Variants in SPOCK3 observed in about 807,000 individuals in gnomAD.
The protein encoded by SPOCK3 is testican-3.
Under a neutral mutation model 56.6 loss-of-function variants are expected in SPOCK3, and 30 were observed. The observed-to-expected ratio is 0.53, with a 90% CI of 0.40 to 0.72. SPOCK3 has a LOEUF of 0.72. Among genes scored for constraint, SPOCK3 ranks in the 30% least tolerant of loss-of-function variants. The pLI is 0.00. For missense variants in SPOCK3, 527 were observed against 530.0 expected (o/e 0.99, Z 0.06); for synonymous variants, 196 against 183.3 (o/e 1.07, Z -0.56).
At chr4:167,067,490 C>T (rs1225762994) in intron 2 of SPOCK3, among the ~76,000 whole-genome samples, 1 of 151,436 alleles carries the variant, frequency 6.6e-6, no homozygotes, top group Non-Finnish European at 1.5e-5. Context: ...TACTCTATGC[C>T]CATATTCTAA....
chr4:167,157,335 AAGC>A (rs1764899367), intron 2 of SPOCK3, among the ~76,000 whole-genome samples: 1 of 152,116 alleles, frequency 6.6e-6, no homozygotes, highest in African/African-American at 2.4e-5. Flanking sequence ...TTAAAAGGTG[AAGC>A]ATATAATAAT....
At chr4:167,033,657 A>G (rs1329641770) in intron 3 of SPOCK3, among the ~76,000 whole-genome samples, 1 of 151,956 alleles carries the variant, frequency 6.6e-6, no homozygotes, top group Non-Finnish European at 1.5e-5. Context: ...ACACAACACT[A>G]TAGTATTCCC....
At chr4:166,962,708 A>T (rs1055766741) in intron 4 of SPOCK3, among the ~76,000 whole-genome samples, 4 of 152,032 alleles carry the variant, frequency 2.6e-5, no homozygotes, top group Admixed American at 2.6e-4. Flanking sequence ...ACTTCCATAG[A>T]CCCTACAAGG....
At chr4:166,930,697 T>TGATC (rs1309202357) in intron 4 of SPOCK3, among the ~76,000 whole-genome samples, 6 of 152,220 alleles carry the variant, frequency 3.9e-5, no homozygotes, top group Non-Finnish European at 2.9e-5. Flanking sequence ...TCCTGTCAAG[T>TGATC]GATCATAAGG....
Position 167,188,490 on chromosome 4 carries a change from G to T in SPOCK3, c.189+45495C>A, listed in dbSNP as rs1297156909. ...TGTTACGATATAACAGAAAAAAGTG[G>T]ACAATAGATGAAAGATGGGGAACTT... On this transcript the variant is annotated intron_variant, in intron 2 of 10. Coordinates refer to ENST00000357545, the MANE Select transcript of SPOCK3 (RefSeq NM_001040159.2). Among the ~76,000 whole-genome samples, 3 of 145,602 alleles carry T rather than the reference G, an allele frequency of 2.1e-5. 1 individual carries two copies. The highest frequency in any genetic ancestry group is 7.9e-5 in the African/African-American group (3 of 37,956).
At chr4:166,754,067 T>C (rs1319070115) in intron 8 of SPOCK3, 1 of 950,846 alleles carries the variant, frequency 1.1e-6, no homozygotes, top group Non-Finnish European at 1.3e-6. Flanking sequence ...TAAAAATAAC[T>C]TTATGGTGAA....
intron 2 of SPOCK3, among the ~76,000 whole-genome samples, chr4:167,067,145 G>C (rs1320394649): frequency 6.6e-6 from 1 of 151,780 alleles, no homozygotes; most frequent in East Asian, 1.9e-4. Context: ...CATAAAAAGA[G>C]TAATACTCAG....
intron 2 of SPOCK3, among the ~76,000 whole-genome samples, chr4:167,143,634 T>A (rs1409362521): frequency 6.6e-6 from 1 of 151,954 alleles, no homozygotes; most frequent in Non-Finnish European, 1.5e-5. Flanking sequence ...TTACATTTTT[T>A]ATCCCTGAAA....
intron 2 of SPOCK3, among the ~76,000 whole-genome samples, chr4:167,229,944 A>G (rs1561349185): frequency 6.6e-6 from 1 of 152,050 alleles, no homozygotes; most frequent in Non-Finnish European, 1.5e-5. Flanking sequence ...AGCCCCAGGT[A>G]TTTTTATTGA....
chr4:167,164,017 C>T (rs973451281), intron 2 of SPOCK3, among the ~76,000 whole-genome samples: 4 of 151,948 alleles, frequency 2.6e-5, no homozygotes, highest in African/African-American at 9.7e-5. Flanking sequence ...ATTTGAGGAC[C>T]TGGAATAAAA....
chr4:166,794,053 T>C lies in SPOCK3; in HGVS notation c.590-1764A>G, dbSNP rs191214145. Among the ~76,000 whole-genome samples the C allele has an allele frequency of 8.0e-4, 121 of 152,046 alleles. 1 individual carries two copies. Among genetic ancestry groups the C allele is most frequent in the African/African-American group, 2.9e-3 (121 of 41,442 alleles). ...GCTCTGTGCCCAGTGCAGAGCAAGA[T>C]GGCAGTAAGATTGAGATTTCTTGGC... On this transcript the variant is annotated intron_variant, in intron 6 of 10. Coordinates refer to ENST00000357545, the MANE Select transcript of SPOCK3 (RefSeq NM_001040159.2).
At chr4:166,832,037 CTGAT>C (rs1255332305) in intron 6 of SPOCK3, among the ~76,000 whole-genome samples, 2 of 151,970 alleles carry the variant, frequency 1.3e-5, no homozygotes, top group Non-Finnish European at 2.9e-5. Context: ...TGTAGGCTGT[CTGAT>C]TAATCTGTTG....
intron 2 of SPOCK3, among the ~76,000 whole-genome samples, chr4:167,195,851 G>A (rs745755626): frequency 2.0e-5 from 3 of 152,142 alleles, no homozygotes; most frequent in Non-Finnish European, 2.9e-5. Flanking sequence ...TGTCACAACC[G>A]AATACCTGAG....
intron 2 of SPOCK3, among the ~76,000 whole-genome samples, chr4:167,184,427 C>A (rs1460835395): frequency 6.6e-6 from 1 of 152,096 alleles, no homozygotes; most frequent in African/African-American, 2.4e-5. Context: ...GCAAAAAACT[C>A]ATTTATGCAA....
chr4:167,128,530 A>C (rs1292909582), intron 2 of SPOCK3, among the ~76,000 whole-genome samples: 1 of 152,146 alleles, frequency 6.6e-6, no homozygotes, highest in Non-Finnish European at 1.5e-5. Context: ...GGAGGTGTTC[A>C]TATACTGTGG....
intron 3 of SPOCK3, among the ~76,000 whole-genome samples, chr4:167,056,977 A>C (rs1220550091): frequency 6.6e-6 from 1 of 152,202 alleles, no homozygotes; most frequent in Non-Finnish European, 1.5e-5. Flanking sequence ...TCCAAGTCAC[A>C]TAATTGTCAG....
intron 2 of SPOCK3, among the ~76,000 whole-genome samples, chr4:167,198,361 G>T (rs1474385090): frequency 1.3e-5 from 2 of 152,088 alleles, no homozygotes; most frequent in Admixed American, 6.6e-5. Flanking sequence ...TGATAGTTTG[G>T]TTATAGATGT....
chr4:167,006,332 T>C (rs1224384699), intron 3 of SPOCK3, among the ~76,000 whole-genome samples: 1 of 152,132 alleles, frequency 6.6e-6, no homozygotes, highest in African/African-American at 2.4e-5. Flanking sequence ...AGATTCAGAG[T>C]AGCTGAAACA....
chr4:166,945,311 T>C lies in SPOCK3; in HGVS notation c.351-32568A>G, dbSNP rs559567438. Among the ~76,000 whole-genome samples the C allele has an allele frequency of 2.4e-4, 36 of 152,316 alleles. 1 individual carries two copies. The South Asian group carries it at 7.2e-3, about 31-fold the overall frequency. On this transcript the variant is annotated intron_variant, in intron 4 of 10. Coordinates refer to ENST00000357545, the MANE Select transcript of SPOCK3 (RefSeq NM_001040159.2). The stretch of plus-strand genomic sequence containing the variant: ...ACATCCATATATACATATAAATACC[T>C]ATATTTGCATCTATATTCATTTTTA...
Sources: allele counts gnomAD v4.1 joint callset (sites outside exome capture counted in the v4.1 genomes callset), GRCh38; gene constraint gnomAD v4.1.1; transcripts MANE v1.5; gene names NCBI Gene and HGNC (gene_info 2026-07-23, HGNC 2026-07-21).